Variants in SPIDR observed in about 807,000 individuals in gnomAD.
SPIDR encodes scaffold protein involved in DNA repair, also known as DNA repair-scaffolding protein.
Under a neutral mutation model 104.6 loss-of-function variants are expected in SPIDR, and 93 were observed. The observed-to-expected ratio is 0.89, with a 90% CI of 0.75 to 1.06. The LOEUF (loss-of-function observed/expected upper bound fraction) is 1.06, where lower values mean the gene tolerates loss of function less well. Among genes scored for constraint, SPIDR ranks in the 50% least tolerant of loss-of-function variants. The pLI is 0.00. For synonymous variants in SPIDR, 431 were observed against 416.9 expected, an observed-to-expected ratio of 1.03 and a Z score of -0.41; for missense variants, 1,154 against 1,111.2, an observed-to-expected ratio of 1.04 and a Z score of -0.55.
intron 10 of SPIDR, among the ~76,000 whole-genome samples, chr8:47,625,580 T>G (rs2065931670): frequency 6.6e-6 from 1 of 151,864 alleles, no homozygotes; most frequent in Non-Finnish European, 1.5e-5. Context: ...ACAAGCATTC[T>G]TATACACCAA....
chr8:47,394,876 T>A (rs1231478062), intron 5 of SPIDR, among the ~76,000 whole-genome samples: 1 of 152,170 alleles, frequency 6.6e-6, no homozygotes, highest in Non-Finnish European at 1.5e-5. Context: ...GGTTAACAAG[T>A]ACCTGGAGTG....
chr8:47,622,838 A>G (rs572854386), intron 10 of SPIDR, among the ~76,000 whole-genome samples: 1 of 152,302 alleles, frequency 6.6e-6, no homozygotes, highest in South Asian at 2.1e-4. Flanking sequence ...AGCCCATAAT[A>G]TGAAATTATC....
chr8:47,399,582 T>A lies in SPIDR; in HGVS notation c.776+2956T>A, dbSNP rs544761664. Among the ~76,000 whole-genome samples the A allele has an allele frequency of 3.9e-5, 6 of 152,306 alleles. No homozygotes were observed. In the South Asian group the frequency reaches 1.2e-3, roughly 32 times the overall value. On this transcript the variant is annotated intron_variant, in intron 6 of 19. Transcript: ENST00000297423. ...ACTGGAGAAGGGCTCCAGGGCTGTC[T>A]GACAGGATCAGGCCCTGTTGGGAAG... is the stretch of plus-strand genomic sequence containing the variant.
intron 14 of SPIDR, among the ~76,000 whole-genome samples, chr8:47,707,663 T>C (rs925214652): frequency 2.6e-5 from 4 of 152,164 alleles, no homozygotes; most frequent in African/African-American, 7.2e-5. Context: ...AGAAGTCAAG[T>C]CTCTTTGCCT....
chr8:47,480,408 C>G (rs1554726276), intron 8 of SPIDR, among the ~76,000 whole-genome samples: 1 of 152,102 alleles, frequency 6.6e-6, no homozygotes, highest in African/African-American at 2.4e-5. Context: ...ATTGAGTAAT[C>G]CAGGAGGAAA....
intron 10 of SPIDR, among the ~76,000 whole-genome samples, chr8:47,637,577 A>C (rs1563386382): frequency 6.6e-6 from 1 of 152,206 alleles, no homozygotes; most frequent in Admixed American, 6.5e-5. Flanking sequence ...CTCAAAAAAG[A>C]AAAAAATCTC....
At chr8:47,673,991 T>C in intron 11 of SPIDR, 50 bp downstream of exon 11, 1 of 1,582,170 alleles carries the variant, frequency 6.3e-7, no homozygotes, top group Non-Finnish European at 8.6e-7. Context: ...GTTGGTTCTT[T>C]TTCTTAGTCT....
chr8:47,628,155 C>T (rs756581435), intron 10 of SPIDR, among the ~76,000 whole-genome samples: 6 of 152,158 alleles, frequency 3.9e-5, no homozygotes, highest in Non-Finnish European at 5.9e-5. Flanking sequence ...TTAAACTAGC[C>T]ATCCTTCCAC....
chr8:47,620,043 T>G (rs982115276), intron 10 of SPIDR, among the ~76,000 whole-genome samples: 7 of 152,182 alleles, frequency 4.6e-5, no homozygotes, highest in Non-Finnish European at 8.8e-5. Context: ...GAGGATGTAT[T>G]CATACACATG....
intron 8 of SPIDR, among the ~76,000 whole-genome samples, chr8:47,499,993 T>C (rs181509530): frequency 6.0e-4 from 92 of 152,334 alleles, no homozygotes; most frequent in African/African-American, 2.0e-3. Context: ...TATGGCTGCA[T>C]AGTATTCCAT....
At position 47,550,378 on chromosome 8, in the gene SPIDR, T is replaced by C. The variant is rs575970976; in HGVS notation, c.1098-45433T>C. Among the ~76,000 whole-genome samples the C allele has an allele frequency of 1.4e-4, 21 of 152,316 alleles. No individual in the cohort carries two copies. In the South Asian group the frequency reaches 2.1e-3, roughly 15 times the overall value. ...GGGCAGTATGGCCATTTTCACGATA[T>C]TGATTCTTCCTATCCATGAGCATGG... is the stretch of plus-strand genomic sequence containing the variant. On this transcript the variant is annotated intron_variant, in intron 8 of 19. Coordinates refer to ENST00000297423, the MANE Select transcript of SPIDR (RefSeq NM_001080394.4).
At chr8:47,601,139 T>C (rs1400951263) in intron 10 of SPIDR, among the ~76,000 whole-genome samples, 2 of 152,212 alleles carry the variant, frequency 1.3e-5, no homozygotes, top group African/African-American at 2.4e-5. Context: ...TGTGGTAGAC[T>C]GAAAGAAGGC....
At chr8:47,337,936 C>T (rs2050073378) in intron 5 of SPIDR, among the ~76,000 whole-genome samples, 1 of 152,156 alleles carries the variant, frequency 6.6e-6, no homozygotes, top group Non-Finnish European at 1.5e-5. Context: ...TTCCATTGGT[C>T]TATATGTCTA....
chr8:47,727,557 G>A (rs1201011972), intron 17 of SPIDR, among the ~76,000 whole-genome samples: 1 of 152,080 alleles, frequency 6.6e-6, no homozygotes, highest in Non-Finnish European at 1.5e-5. Flanking sequence ...TCAGCCAGGA[G>A]AATTAAAAAA....
intron 2 of SPIDR, among the ~76,000 whole-genome samples, chr8:47,281,893 A>G (rs962733973): frequency 6.6e-6 from 1 of 152,234 alleles, no homozygotes; most frequent in Admixed American, 6.5e-5. Context: ...AGCTACAGCC[A>G]TATGACATGT....
At position 47,337,534 on chromosome 8, in the gene SPIDR, A is replaced by G. The variant is rs536020243; in HGVS notation, c.525+43504A>G. ...TGATTTGTAAATATTTTTTCCCATC[A>G]TTGGGTTTTATTTTCACCTCCTTAA... On this transcript the variant is annotated intron_variant, in intron 5 of 19. Transcript: ENST00000297423. Among the ~76,000 whole-genome samples the G allele has an allele frequency of 3.3e-5, 5 of 149,352 alleles. No homozygotes were observed. The East Asian group carries it at 9.8e-4, about 29-fold the overall frequency.
In SPIDR at chr8:47,293,245, T is replaced by C. The variant is rs1045024999; in HGVS notation, c.362-622T>C. Among the ~76,000 whole-genome samples, 12 of 152,022 alleles carry C rather than the reference T, an allele frequency of 7.9e-5. No individual in the cohort carries two copies. In the East Asian group the frequency reaches 2.3e-3, roughly 29 times the overall value. ...GGGCTCGAGCGATCCTACTACATCC[T>C]CTTAATTATGTTTAGTGAAAAAGTC... On this transcript the variant is annotated intron_variant, in intron 4 of 19. Coordinates refer to ENST00000297423, the MANE Select transcript of SPIDR (RefSeq NM_001080394.4).
chr8:47,621,954 G>A (rs571808901), intron 10 of SPIDR, among the ~76,000 whole-genome samples: 25 of 152,336 alleles, frequency 1.6e-4, no homozygotes, highest in Admixed American at 2.6e-4. Context: ...GACAGAGTGA[G>A]ATGGAGGGAA....
At chr8:47,448,945 G>C (rs890611556) in intron 8 of SPIDR, among the ~76,000 whole-genome samples, 1 of 152,152 alleles carries the variant, frequency 6.6e-6, no homozygotes, top group Non-Finnish European at 1.5e-5. Flanking sequence ...TGAATCTGGA[G>C]AACCTCCCTG....
Sources: gnomAD v4.1 joint callset for allele counts (sites outside exome capture counted in the v4.1 genomes callset) on GRCh38, gnomAD v4.1.1 for gene constraint, MANE v1.5 for transcripts, NCBI Gene and HGNC (gene_info 2026-07-23, HGNC 2026-07-21) for gene names.